PTPRD: variants seen among roughly 807,000 people sequenced by gnomAD.
The protein encoded by PTPRD is protein tyrosine phosphatase receptor type D.
PTPRD carries 34 observed loss-of-function variants against 214.5 expected under a neutral mutation model. The observed-to-expected ratio is 0.16, with a 90% CI of 0.12 to 0.21. The LOEUF (loss-of-function observed/expected upper bound fraction) is 0.21, where lower values mean the gene tolerates loss of function less well. PTPRD is among the 10% of genes least tolerant of loss of function. The pLI, the probability that PTPRD is intolerant of heterozygous loss-of-function variation, is 1.00. For missense variants in PTPRD, 2,545 were observed against 2,398.7 expected (o/e 1.06, Z -1.27); for synonymous variants, 1,128 against 845.7 (o/e 1.33, Z -5.79).
intron 11 of PTPRD, among the ~76,000 whole-genome samples, chr9:8,925,782 T>G (rs1486379505): frequency 1.3e-5 from 2 of 151,686 alleles, no homozygotes; most frequent in African/African-American, 4.8e-5. Context: ...ACACTCACTG[T>G]TAGAGAACTG....
At chr9:10,265,898 G>C (rs118081784) in intron 3 of PTPRD, among the ~76,000 whole-genome samples, 63 of 152,252 alleles carry the variant, frequency 4.1e-4, no homozygotes, top group African/African-American at 1.4e-3. Context: ...CAGTAATCTA[G>C]TTTATGTCCC....
At chr9:8,717,078 G>A (rs773806889) in intron 12 of PTPRD, among the ~76,000 whole-genome samples, 1 of 152,180 alleles carries the variant, frequency 6.6e-6, no homozygotes, top group Non-Finnish European at 1.5e-5. Flanking sequence ...TGATGTCCTT[G>A]AGCCCAGAAG....
intron 7 of PTPRD, among the ~76,000 whole-genome samples, chr9:9,577,446 T>C (rs990988395): frequency 1.3e-5 from 2 of 151,930 alleles, no homozygotes; most frequent in African/African-American, 4.8e-5. Flanking sequence ...GTGCTTGTAC[T>C]CCCAGCCACT....
intron 4 of PTPRD, among the ~76,000 whole-genome samples, chr9:9,951,280 G>A (rs73643834): frequency 0.077 from 11,723 of 152,094 alleles, 864 homozygotes; most frequent in East Asian, 0.24. Flanking sequence ...AAAGCCTAAG[G>A]GCCTCAATGG....
chr9:8,669,585 T>C (rs889110869), intron 12 of PTPRD, among the ~76,000 whole-genome samples: 2 of 152,044 alleles, frequency 1.3e-5, no homozygotes, highest in Non-Finnish European at 2.9e-5. Flanking sequence ...GCTATCCAAG[T>C]CACCTCAAGG....
At chr9:8,421,634 G>C (rs1056373956) in intron 35 of PTPRD, among the ~76,000 whole-genome samples, 11 of 152,088 alleles carry the variant, frequency 7.2e-5, no homozygotes, top group Non-Finnish European at 1.5e-4. Flanking sequence ...TTGTACTCAA[G>C]CCTCAAGCTG....
chr9:10,367,281 G>A (rs2097534435), intron 2 of PTPRD, among the ~76,000 whole-genome samples: 2 of 152,092 alleles, frequency 1.3e-5, no homozygotes, highest in South Asian at 4.1e-4. Context: ...CTTACCTAAA[G>A]GGTAACGAAG....
In PTPRD at chr9:9,718,177, T is replaced by C. The variant is rs549385541; in HGVS notation, c.-287+16356A>G. 2.1e-4 allele frequency among the ~76,000 whole-genome samples: 32 copies of C among 152,342 alleles called. No homozygotes were observed. The East Asian group carries it at 6.2e-3, about 29-fold the overall frequency. ...ACTTGAGTTATACATTGGCTTTCTT[T>C]AAAGAAAGTACATGAAAATATTTTC... is the stretch of plus-strand genomic sequence containing the variant. On this transcript the variant is annotated intron_variant, in intron 7 of 45. Coordinates refer to ENST00000381196, the MANE Select transcript of PTPRD (RefSeq NM_002839.4).
At chr9:9,247,410 G>A (rs1245486164) in intron 9 of PTPRD, among the ~76,000 whole-genome samples, 2 of 151,982 alleles carry the variant, frequency 1.3e-5, no homozygotes, top group African/African-American at 4.8e-5. Context: ...TCTTCATTCT[G>A]AAGGCTCCCA....
intron 3 of PTPRD, among the ~76,000 whole-genome samples, chr9:10,108,025 T>A (rs890988996): frequency 6.6e-6 from 1 of 152,094 alleles, no homozygotes; most frequent in Non-Finnish European, 1.5e-5. Context: ...TTGGCTGCCA[T>A]GTGGTTGAAA....
chr9:9,532,329 G>A (rs77530167), intron 8 of PTPRD, among the ~76,000 whole-genome samples: 142 of 152,190 alleles, frequency 9.3e-4, no homozygotes, highest in African/African-American at 2.0e-3. Context: ...TAAAGTCTGG[G>A]ACAAATGAAA....
At chr9:8,912,588 T>G (rs1037257247) in intron 11 of PTPRD, among the ~76,000 whole-genome samples, 1 of 152,136 alleles carries the variant, frequency 6.6e-6, no homozygotes, top group Non-Finnish European at 1.5e-5. Flanking sequence ...ACAAAAAACA[T>G]TGAATTGTAC....
intron 3 of PTPRD, among the ~76,000 whole-genome samples, chr9:10,302,504 T>C (rs578031366): frequency 2.3e-4 from 35 of 152,342 alleles, no homozygotes; most frequent in African/African-American, 8.4e-4. Flanking sequence ...ATTGGTGTGC[T>C]GTATTCGGGA....
At chr9:8,499,546 A>G (rs1269971412) in intron 25 of PTPRD, 101 bp downstream of exon 25, 2 of 1,241,502 alleles carry the variant, frequency 1.6e-6, no homozygotes, top group African/African-American at 1.5e-5. Flanking sequence ...TTTGTATAGG[A>G]TTTTTTAAAT....
At chr9:9,932,265 G>C (rs1167681648) in intron 5 of PTPRD, among the ~76,000 whole-genome samples, 1 of 149,468 alleles carries the variant, frequency 6.7e-6, no homozygotes, top group South Asian at 2.1e-4. Context: ...GGCTTCAGAC[G>C]ATCAAATTAC....
intron 2 of PTPRD, among the ~76,000 whole-genome samples, chr9:10,552,594 G>C (rs540461272): frequency 3.3e-5 from 5 of 152,064 alleles, no homozygotes; most frequent in African/African-American, 1.2e-4. Context: ...CCCTACCACT[G>C]TGGACGCTAG....
rs575747459 is a variant in PTPRD at position 10,599,094 on chromosome 9, C to G, written c.-600+13304G>C. On this transcript the variant is annotated intron_variant, in intron 2 of 45. Coordinates refer to ENST00000381196, the MANE Select transcript of PTPRD (RefSeq NM_002839.4). ...CTGACATGGAAATTGCTTTGTGCGG[C>G]GAAATTGGACCTATTTTCCTTGATT... 1.3e-3 allele frequency among the ~76,000 whole-genome samples: 191 copies of G among 151,652 alleles called. 5 individuals are homozygous for G. Among genetic ancestry groups the G allele is most frequent in the Non-Finnish European group, 4.4e-4 (30 of 67,764 alleles).
intron 2 of PTPRD, among the ~76,000 whole-genome samples, chr9:10,476,135 G>A (rs1394508285): frequency 6.6e-6 from 1 of 152,048 alleles, no homozygotes; most frequent in Admixed American, 6.6e-5. Context: ...TCTGGCCAGG[G>A]CAGTGAGGCA....
chr9:9,193,337 T>C (rs2099936377), intron 9 of PTPRD, among the ~76,000 whole-genome samples: 1 of 152,140 alleles, frequency 6.6e-6, no homozygotes, highest in Admixed American at 6.6e-5. Context: ...TTATGCTATT[T>C]GAAGCCTATT....
Sources: gnomAD v4.1 joint callset for allele counts (sites outside exome capture counted in the v4.1 genomes callset) on GRCh38, gnomAD v4.1.1 for gene constraint, MANE v1.5 for transcripts, NCBI Gene and HGNC (gene_info 2026-07-23, HGNC 2026-07-21) for gene names.